Variants in PDE4D observed in about 807,000 individuals in gnomAD.
PDE4D encodes the protein 3',5'-cyclic-AMP phosphodiesterase 4D.
A neutral mutation model predicts 87.4 loss-of-function variants in PDE4D; 24 were observed. The observed-to-expected ratio is 0.27, with a 90% CI of 0.20 to 0.39. PDE4D has a LOEUF of 0.39. Among genes scored for constraint, PDE4D ranks in the 10% least tolerant of loss-of-function variants. The probability of loss-of-function intolerance (pLI) is 1.00; values close to 1 mark genes in which losing one functional copy is unlikely to be tolerated. For synonymous variants in PDE4D, 384 were observed against 383.2 expected (o/e 1.00, Z -0.02); for missense variants, 714 against 1,041.0 (o/e 0.69, Z 4.32).
At chr5:59,658,661 G>T (rs775413991) in intron 1 of PDE4D, among the ~76,000 whole-genome samples, 2 of 152,186 alleles carry the variant, frequency 1.3e-5, no homozygotes, top group Non-Finnish European at 2.9e-5. Context: ...AATTACAGGC[G>T]TGGAAAGCCA....
At chr5:60,028,383 A>C (rs1278329163) in intron 2 of PDE4D, among the ~76,000 whole-genome samples, 2 of 152,138 alleles carry the variant, frequency 1.3e-5, no homozygotes, top group Non-Finnish European at 2.9e-5. Flanking sequence ...CATCTGTATA[A>C]AATTCTTCAC....
chr5:60,461,122 G>T (rs775360105), intron 1 of PDE4D, among the ~76,000 whole-genome samples: 2 of 152,030 alleles, frequency 1.3e-5, no homozygotes, highest in Non-Finnish European at 1.5e-5. Context: ...AGGAGAATGA[G>T]TGCTCTCAAA....
At chr5:60,362,932 G>A (rs895215774) in intron 1 of PDE4D, among the ~76,000 whole-genome samples, 3 of 151,778 alleles carry the variant, frequency 2.0e-5, no homozygotes, top group African/African-American at 7.3e-5. Flanking sequence ...TGTTTACCTT[G>A]GTTCCCAATG....
chr5:60,075,076 T>C (rs1323005241), intron 2 of PDE4D, among the ~76,000 whole-genome samples: 1 of 152,182 alleles, frequency 6.6e-6, no homozygotes, highest in Non-Finnish European at 1.5e-5. Context: ...TGCAGACTTG[T>C]TTGTGTGGTT....
At chr5:60,150,788 T>C (rs559515515) in intron 2 of PDE4D, among the ~76,000 whole-genome samples, 2 of 152,304 alleles carry the variant, frequency 1.3e-5, no homozygotes, top group South Asian at 4.1e-4. Context: ...CCTGAAAGTA[T>C]GGCCTAACCC....
At chr5:59,650,975 G>A (rs1344048901) in intron 1 of PDE4D, among the ~76,000 whole-genome samples, 1 of 152,064 alleles carries the variant, frequency 6.6e-6, no homozygotes, top group Non-Finnish European at 1.5e-5. Flanking sequence ...ATAATTGTTG[G>A]CCGGGCGCGG....
At chr5:60,265,660 T>G (rs1351412043) in intron 1 of PDE4D, among the ~76,000 whole-genome samples, 1 of 152,102 alleles carries the variant, frequency 6.6e-6, no homozygotes, top group Non-Finnish European at 1.5e-5. Flanking sequence ...GGTGGGACCC[T>G]AGACTAGAAA....
In PDE4D at chr5:60,032,543, C is replaced by A. The variant is rs945169572; in HGVS notation, c.43-43826G>T. On this transcript the variant is annotated intron_variant, in intron 2 of 16. Transcript: ENST00000502484. ...CCCGCAATATGTTACTTTGATGTTG[C>A]GTAAAGCACATTGTGAGCTTTGGAA... 6.6e-5 allele frequency among the ~76,000 whole-genome samples: 10 copies of A among 152,110 alleles called. No individual in the cohort carries two copies. In the East Asian group the frequency reaches 1.7e-3, roughly 26 times the overall value.
chr5:59,926,862 A>C (rs1755347386), intron 3 of PDE4D, among the ~76,000 whole-genome samples: 1 of 152,202 alleles, frequency 6.6e-6, no homozygotes, highest in Non-Finnish European at 1.5e-5. Context: ...GTAAGTAATG[A>C]GATCAAAGTA....
chr5:59,027,935 T>A (rs149963838), intron 6 of PDE4D, among the ~76,000 whole-genome samples: 1 of 151,998 alleles, frequency 6.6e-6, no homozygotes, highest in Non-Finnish European at 1.5e-5. Context: ...GTGTGTATAC[T>A]AGATGGTAAG....
chr5:59,723,127 G>T (rs989347605), intron 1 of PDE4D, among the ~76,000 whole-genome samples: 1 of 151,906 alleles, frequency 6.6e-6, no homozygotes, highest in African/African-American at 2.4e-5. Flanking sequence ...CTCATATTCA[G>T]GTCTAGTGGA....
chr5:59,079,798 T>G (rs1409596765), intron 5 of PDE4D, among the ~76,000 whole-genome samples: 1 of 147,118 alleles, frequency 6.8e-6, no homozygotes, highest in Non-Finnish European at 1.5e-5. Context: ...TATGATTGCA[T>G]TACACTCTAC....
chr5:59,728,357 T>C lies in PDE4D; in HGVS notation c.455+164811A>G, dbSNP rs372106988. Among the ~76,000 whole-genome samples, 34 of 152,278 alleles carry C rather than the reference T, an allele frequency of 2.2e-4. No individual in the cohort carries two copies. In the South Asian group the frequency reaches 7.0e-3, roughly 32 times the overall value. On this transcript the variant is annotated intron_variant, in intron 1 of 14. Transcript: ENST00000340635. Reference sequence around the variant, plus strand: ...CCTCCAATGTAATCTGAAAGATCTTTGGTTTGATTTAAAAATCAAGTCAAA... The same window carrying C: ...CCTCCAATGTAATCTGAAAGATCTTCGGTTTGATTTAAAAATCAAGTCAAA...
intron 2 of PDE4D, among the ~76,000 whole-genome samples, chr5:60,044,692 A>C (rs1010165235): frequency 1.3e-5 from 2 of 152,110 alleles, no homozygotes; most frequent in Non-Finnish European, 2.9e-5. Context: ...AAGGACATGA[A>C]CTCATCATGT....
intron 1 of PDE4D, among the ~76,000 whole-genome samples, chr5:59,509,734 C>A (rs757546860): frequency 1.3e-5 from 2 of 149,946 alleles, no homozygotes; most frequent in Non-Finnish European, 3.0e-5. Flanking sequence ...TCACTTTGAT[C>A]TAAAATAATG....
At chr5:59,008,496 ATTCTT>A (rs1752111329) in intron 6 of PDE4D, among the ~76,000 whole-genome samples, 1 of 152,078 alleles carries the variant, frequency 6.6e-6, no homozygotes, top group South Asian at 2.1e-4. Flanking sequence ...GAGAAATGAT[ATTCTT>A]TTCAACAAAG....
At chr5:59,878,748 C>T (rs1748972807) in intron 1 of PDE4D, among the ~76,000 whole-genome samples, 2 of 152,260 alleles carry the variant, frequency 1.3e-5, no homozygotes, top group South Asian at 4.1e-4. Flanking sequence ...CATCTCTTTA[C>T]TGCCATGTCC....
chr5:59,784,270 T>C (rs1335180253), intron 1 of PDE4D, among the ~76,000 whole-genome samples: 2 of 151,572 alleles, frequency 1.3e-5, no homozygotes, highest in Admixed American at 1.3e-4. Context: ...AAAAGGGGAT[T>C]GTGCTTTTCA....
chr5:60,061,194 C>G (rs1348573807), intron 2 of PDE4D, among the ~76,000 whole-genome samples: 1 of 152,148 alleles, frequency 6.6e-6, no homozygotes, highest in African/African-American at 2.4e-5. Context: ...ATTGTCTCAG[C>G]CCCAAATCTC....
Sources: allele counts gnomAD v4.1 joint callset (sites outside exome capture counted in the v4.1 genomes callset), GRCh38; gene constraint gnomAD v4.1.1; transcripts MANE v1.5; gene names NCBI Gene and HGNC (gene_info 2026-07-23, HGNC 2026-07-21).